The following LRGUK variants were observed in gnomAD, a reference collection of about 807,000 sequenced individuals.
LRGUK encodes leucine-rich repeat and guanylate kinase domain-containing protein.
LRGUK carries 65 observed loss-of-function variants against 76.0 expected under a neutral mutation model. The ratio of observed to expected loss-of-function variants is 0.85; its 90% CI spans 0.70 to 1.05. LRGUK has a LOEUF of 1.05. LRGUK is among the 50% of genes least tolerant of loss of function. LRGUK has a pLI of 0.00. For synonymous variants in LRGUK, 268 were observed against 265.6 expected (o/e 1.01, Z -0.09); for missense variants, 758 against 732.8 (o/e 1.03, Z -0.40).
intron 1 of LRGUK, among the ~76,000 whole-genome samples, chr7:134,128,271 T>C (rs1466045319): frequency 1.3e-5 from 2 of 152,224 alleles, no homozygotes; most frequent in African/African-American, 4.8e-5. Flanking sequence ...CAGCTCATTG[T>C]GGGAATATTT....
intron 16 of LRGUK, among the ~76,000 whole-genome samples, chr7:134,225,224 G>A (rs1664379861): frequency 6.6e-6 from 1 of 151,824 alleles, no homozygotes; most frequent in African/African-American, 2.4e-5. Context: ...GGAAACTGGA[G>A]AGAGGAGAGG....
At chr7:134,159,555 C>T (rs1798632851) in intron 6 of LRGUK, among the ~76,000 whole-genome samples, 1 of 152,124 alleles carries the variant, frequency 6.6e-6, no homozygotes, top group South Asian at 2.1e-4. Flanking sequence ...CTTTGGGAGG[C>T]TAAGGCGGGT....
At chr7:134,142,944 A>T in intron 3 of LRGUK, 118 bp from the exon 4 acceptor site, 1 of 598,130 alleles carries the variant, frequency 1.7e-6, no homozygotes, top group Non-Finnish European at 3.0e-6. Flanking sequence ...GGAATAATTA[A>T]GATGTCTTTG....
intron 1 of LRGUK, among the ~76,000 whole-genome samples, chr7:134,132,282 G>C (rs1425737418): frequency 6.6e-6 from 1 of 152,156 alleles, no homozygotes; most frequent in Admixed American, 6.5e-5. Context: ...TCGAGTCCAG[G>C]AGTTCAAGGC....
At chr7:134,186,811 C>T (rs1048025204) in intron 11 of LRGUK, among the ~76,000 whole-genome samples, 1 of 152,194 alleles carries the variant, frequency 6.6e-6, no homozygotes, top group Admixed American at 6.5e-5. Context: ...GGTGGAGGCA[C>T]AAGATGGCAA....
intron 15 of LRGUK, among the ~76,000 whole-genome samples, chr7:134,207,942 T>C (rs1443452937): frequency 6.6e-6 from 1 of 152,140 alleles, no homozygotes; most frequent in African/African-American, 2.4e-5. Context: ...GTCCCAGAGA[T>C]CAGTCACTCT....
chr7:134,205,370 C>T (rs1157075571), intron 15 of LRGUK, among the ~76,000 whole-genome samples: 1 of 152,156 alleles, frequency 6.6e-6, no homozygotes, highest in Non-Finnish European at 1.5e-5. Context: ...CCTCACCTCT[C>T]ATCAGCACTC....
chr7:134,260,784 G>A (rs1802703080), intron 19 of LRGUK, among the ~76,000 whole-genome samples: 1 of 152,132 alleles, frequency 6.6e-6, no homozygotes, highest in Non-Finnish European at 1.5e-5. Flanking sequence ...CCTCGTTTGA[G>A]ATCCCAGCTA....
rs77174033 is a variant in LRGUK, at chr7:134,142,870, G to A, written c.488-192G>A. 7.4e-3 allele frequency among the ~76,000 whole-genome samples: 1,126 copies of A among 152,252 alleles called. 15 individuals are homozygous for A. The highest frequency in any genetic ancestry group is 0.026 in the African/African-American group (1,073 of 41,542). On this transcript the variant is annotated intron_variant, in intron 3 of 15. Transcript: ENST00000645682. ...GGAAGAGGATTAAATTATTGACTCC[G>A]AGAGTTTTCTACCTTTTTTTTGTAT... is the stretch of plus-strand genomic sequence containing the variant.
At chr7:134,190,931 A>G (rs1800205734) in intron 11 of LRGUK, among the ~76,000 whole-genome samples, 1 of 151,094 alleles carries the variant, frequency 6.6e-6, no homozygotes, top group Non-Finnish European at 1.5e-5. Flanking sequence ...CTGGGGATAG[A>G]CAGTAGTTGA....
chr7:134,236,450 T>A (rs1023999128), intron 16 of LRGUK, among the ~76,000 whole-genome samples: 2 of 152,218 alleles, frequency 1.3e-5, no homozygotes, highest in Non-Finnish European at 2.9e-5. Context: ...GTTAAAGGAC[T>A]CTGTTTAGAC....
At chr7:134,200,303 C>T (rs1335136503) in intron 14 of LRGUK, among the ~76,000 whole-genome samples, 3 of 151,750 alleles carry the variant, frequency 2.0e-5, no homozygotes, top group African/African-American at 7.3e-5. Flanking sequence ...TCCCAAAGTG[C>T]TGGGATTACA....
chr7:134,175,603 C>A (rs1799445632), intron 8 of LRGUK, among the ~76,000 whole-genome samples: 1 of 152,192 alleles, frequency 6.6e-6, no homozygotes, highest in South Asian at 2.1e-4. Flanking sequence ...CTCTCCCCAA[C>A]ATTTACACCT....
At chr7:134,230,105 A>T (rs1317828918) in intron 16 of LRGUK, among the ~76,000 whole-genome samples, 2 of 152,172 alleles carry the variant, frequency 1.3e-5, no homozygotes, top group African/African-American at 4.8e-5. Flanking sequence ...CAGACTACAG[A>T]GAGTGGGGAG....
intron 16 of LRGUK, among the ~76,000 whole-genome samples, chr7:134,234,057 T>C (rs1801962202): frequency 6.6e-6 from 1 of 152,200 alleles, no homozygotes; most frequent in Non-Finnish European, 1.5e-5. Flanking sequence ...CTTCTTCCAG[T>C]GTGGCCCAGG....
At chr7:134,236,197 CT>C (rs1157549700) in intron 16 of LRGUK, among the ~76,000 whole-genome samples, 1 of 152,134 alleles carries the variant, frequency 6.6e-6, no homozygotes, top group Non-Finnish European at 1.5e-5. Context: ...GGACATGGAA[CT>C]TTTCCAGTCA....
rs200223666 is a variant in LRGUK, at chr7:134,199,174, A to C, written c.1546-46A>C. The C allele has an allele frequency of 1.3e-4, 192 of 1,520,900 alleles. 1 individual carries two copies. In the African/African-American group the frequency reaches 2.5e-3, roughly 20 times the overall value. The allele number at this position is 1,520,900 out of a possible 1,614,324, so 94.2% of individuals were successfully genotyped here. ...TCAGATGGCTCCAAAATGATTTCTA[A>C]ATCATGTATCTGTTTCCAATTTATT... On this transcript the variant is annotated intron_variant, in intron 13 of 15. Coordinates refer to ENST00000645682, the Ensembl canonical transcript of LRGUK.
At chr7:134,135,255 G>T (rs1797476157) in intron 1 of LRGUK, among the ~76,000 whole-genome samples, 1 of 152,154 alleles carries the variant, frequency 6.6e-6, no homozygotes, top group South Asian at 2.1e-4. Context: ...CAGATGCGGG[G>T]TATGAGAGTT....
chr7:134,181,604 A>G (rs944611101), intron 10 of LRGUK, among the ~76,000 whole-genome samples: 7 of 151,934 alleles, frequency 4.6e-5, no homozygotes, highest in African/African-American at 7.2e-5. Flanking sequence ...TTTGGTTTTC[A>G]TCTTCAGGAA....
Sources: gnomAD v4.1 joint callset for allele counts (sites outside exome capture counted in the v4.1 genomes callset) on GRCh38, gnomAD v4.1.1 for gene constraint, MANE v1.5 for transcripts, NCBI Gene and HGNC (gene_info 2026-07-23, HGNC 2026-07-21) for gene names.